The following TBC1D12 variants were observed in gnomAD, a reference collection of about 807,000 sequenced individuals.
TBC1D12 encodes the protein TBC1 domain family member 12.
In TBC1D12, 56 loss-of-function variants were observed where a neutral mutation model predicts 86.7. The ratio of observed to expected loss-of-function variants is 0.65; its 90% confidence interval spans 0.52 to 0.81. The LOEUF (loss-of-function observed/expected upper bound fraction) is 0.81. Ranked by LOEUF, TBC1D12 falls within the 30% of genes least tolerant of loss-of-function variation. The pLI is 0.00. For synonymous variants in TBC1D12, 421 were observed against 411.7 expected (o/e 1.02, Z -0.27); for missense variants, 1,023 against 1,038.8 (o/e 0.98, Z 0.21).
intron 1 of TBC1D12, among the ~76,000 whole-genome samples, chr10:94,405,522 G>C (rs1365902443): frequency 6.6e-6 from 1 of 152,142 alleles, no homozygotes; most frequent in Non-Finnish European, 1.5e-5. Flanking sequence ...TATTCTAAAA[G>C]ATCTCAAGGT....
intron 1 of TBC1D12, among the ~76,000 whole-genome samples, chr10:94,423,221 G>A (rs2055100371): frequency 6.6e-6 from 1 of 152,102 alleles, no homozygotes; most frequent in South Asian, 2.1e-4. Flanking sequence ...TGCCTTCCAA[G>A]AGATGCTTGG....
chr10:94,444,775 A>C (rs2055432911), intron 2 of TBC1D12, among the ~76,000 whole-genome samples: 1 of 140,234 alleles, frequency 7.1e-6, no homozygotes, highest in Admixed American at 7.4e-5. Context: ...TCTGTCGCCC[A>C]GGCTGCAGTG....
At chr10:94,498,081 A>G (rs184786268) in intron 5 of TBC1D12, among the ~76,000 whole-genome samples, 1 of 152,238 alleles carries the variant, frequency 6.6e-6, no homozygotes, top group East Asian at 1.9e-4. Context: ...GGCCTCCCCA[A>G]GTGCTGAGAT....
At chr10:94,406,380 G>A (rs1310281025) in intron 1 of TBC1D12, among the ~76,000 whole-genome samples, 1 of 152,174 alleles carries the variant, frequency 6.6e-6, no homozygotes, top group Non-Finnish European at 1.5e-5. Context: ...AGGTCTGAAT[G>A]TCAAGACTCT....
chr10:94,409,922 C>T (rs763231638), intron 1 of TBC1D12, among the ~76,000 whole-genome samples: 2 of 152,144 alleles, frequency 1.3e-5, no homozygotes, highest in African/African-American at 2.4e-5. Flanking sequence ...ATTTATGGTA[C>T]ATTTGTCACA....
At chr10:94,426,693 C>T (rs2055151139) in intron 1 of TBC1D12, among the ~76,000 whole-genome samples, 1 of 152,152 alleles carries the variant, frequency 6.6e-6, no homozygotes, top group Non-Finnish European at 1.5e-5. Flanking sequence ...TTCTCTGCCT[C>T]AGCCTCCCGA....
chr10:94,476,085 G>T (rs1466773210), intron 3 of TBC1D12, among the ~76,000 whole-genome samples: 1 of 151,586 alleles, frequency 6.6e-6, no homozygotes, highest in African/African-American at 2.4e-5. Context: ...GACTACACGC[G>T]CACACCACCG....
At chr10:94,472,588 A>G (rs1231236613) in intron 2 of TBC1D12, among the ~76,000 whole-genome samples, 7 of 152,238 alleles carry the variant, frequency 4.6e-5, no homozygotes, top group Non-Finnish European at 1.5e-5. Flanking sequence ...AAAATAAAAC[A>G]CCATTTAAAT....
chr10:94,426,424 A>T (rs1315868158), intron 1 of TBC1D12, among the ~76,000 whole-genome samples: 2 of 151,930 alleles, frequency 1.3e-5, no homozygotes, highest in African/African-American at 4.8e-5. Context: ...TTCTGTGTCC[A>T]TTGATGTAAT....
chr10:94,425,138 C>A (rs2134067533), intron 1 of TBC1D12, among the ~76,000 whole-genome samples: 2 of 152,318 alleles, frequency 1.3e-5, no homozygotes, highest in East Asian at 3.9e-4. Flanking sequence ...TCTGGCACTA[C>A]CTCTGGTTTG....
intron 2 of TBC1D12, among the ~76,000 whole-genome samples, chr10:94,468,675 T>C (rs1008783956): frequency 4.6e-5 from 7 of 152,228 alleles, no homozygotes; most frequent in African/African-American, 1.7e-4. Flanking sequence ...TGGTTTTATC[T>C]GTATTCTGCT....
chr10:94,484,130 C>A (rs1314810489), intron 3 of TBC1D12, among the ~76,000 whole-genome samples: 3 of 151,898 alleles, frequency 2.0e-5, no homozygotes, highest in African/African-American at 7.3e-5. Context: ...CTGTTCTGTT[C>A]CATTGGTTTA....
At chr10:94,469,509 G>C (rs1349016073) in intron 2 of TBC1D12, among the ~76,000 whole-genome samples, 10 of 146,248 alleles carry the variant, frequency 6.8e-5, no homozygotes, top group Non-Finnish European at 1.3e-4. Context: ...AGTGCAGTGG[G>C]GTGATCTCGG....
At chr10:94,471,074 G>A (rs768890115) in intron 2 of TBC1D12, among the ~76,000 whole-genome samples, 28 of 151,924 alleles carry the variant, frequency 1.8e-4, no homozygotes, top group Non-Finnish European at 3.4e-4. Flanking sequence ...TCAGGGGTTC[G>A]AGGCCAGCCT....
At chr10:94,460,871 C>T (rs1435757492) in intron 2 of TBC1D12, among the ~76,000 whole-genome samples, 1 of 152,112 alleles carries the variant, frequency 6.6e-6, no homozygotes, top group Non-Finnish European at 1.5e-5. Context: ...ATTTACTAAT[C>T]AGCCCATCAA....
At chr10:94,486,664 A>G (rs1286170053) in intron 3 of TBC1D12, among the ~76,000 whole-genome samples, 2 of 152,106 alleles carry the variant, frequency 1.3e-5, no homozygotes, top group African/African-American at 2.4e-5. Flanking sequence ...ATTGGAGAAG[A>G]TGCTTGATAT....
intron 7 of TBC1D12, among the ~76,000 whole-genome samples, chr10:94,508,075 A>G (rs1294351947): frequency 6.6e-6 from 1 of 152,166 alleles, no homozygotes; most frequent in Non-Finnish European, 1.5e-5. Flanking sequence ...TACATAAATT[A>G]CTGTTTTCTT....
rs1364578702 is a variant in TBC1D12, at chr10:94,531,684, TTTATG to T, written c.2259+229_2259+233del. On this transcript the variant is annotated intron_variant, in intron 12 of 12. Transcript: ENST00000225235. ...TTTATTTTATTTTATTTTATTTTAT[TTTATG>T]TTATTTTATGTTATGTTATTTTATG... 7.0e-3 allele frequency among the ~76,000 whole-genome samples: 910 copies of T among 129,930 alleles called. 7 individuals carry two copies. The highest frequency in any genetic ancestry group is 0.012 in the Middle Eastern group (3 of 256). 85.2% of individuals were successfully genotyped at this position (129,930 alleles called of 152,430 possible).
intron 1 of TBC1D12, among the ~76,000 whole-genome samples, chr10:94,414,895 TTAA>T (rs762186692): frequency 6.6e-6 from 1 of 152,194 alleles, no homozygotes; most frequent in Non-Finnish European, 1.5e-5. Context: ...GAACTATTTT[TTAA>T]TAACAGGTTG....
Sources: allele counts gnomAD v4.1 joint callset (sites outside exome capture counted in the v4.1 genomes callset), GRCh38; gene constraint gnomAD v4.1.1; transcripts MANE v1.5; gene names NCBI Gene and HGNC (gene_info 2026-07-23, HGNC 2026-07-21).